The following OR5J2 variants were observed in gnomAD, a reference collection of about 807,000 sequenced individuals.
OR5J2 encodes olfactory receptor family 5 subfamily J member 2.
In OR5J2, 4 loss-of-function variants were observed where a neutral mutation model predicts 6.7. That is an observed-to-expected ratio of 0.60 (90% CI 0.29 to 1.37). The LOEUF (loss-of-function observed/expected upper bound fraction) is 1.37, where lower values mean the gene tolerates loss of function less well. OR5J2 is among the 40% of genes most tolerant of loss of function. OR5J2 has a pLI of 0.09. For synonymous variants in OR5J2, 174 were observed against 140.4 expected (o/e 1.24, Z -1.69); for missense variants, 415 against 366.4 (o/e 1.13, Z -1.08).
Position 56,176,807 on chromosome 11 carries a change from A to G in OR5J2, c.190A>G (p.Ser64Gly), listed in dbSNP as rs1184797454. The G allele has an allele frequency of 6.2e-7, 1 of 1,613,920 alleles. No individual in the cohort carries two copies. Among genetic ancestry groups the G allele is most frequent in the African/African-American group, 1.3e-5 (1 of 74,896 alleles). The change falls in exon 1 of 1, where the codon AGC becomes GGC. Residue 64 changes from serine (S) to glycine (G), a missense_variant. Transcript: ENST00000312298. Reference protein sequence around the residue: ...KLHTPMYFLLSCLSFVDACYS... With the variant: ...KLHTPMYFLLGCLSFVDACYS... ...CCACACACCCATGTACTTTTTACTC[A>G]GCTGTCTTTCATTTGTGGATGCCTG...
chr11:56,177,357 C>G lies in OR5J2; in HGVS notation c.740C>G (p.Ala247Gly). Reference protein sequence around the residue: ...AFSTCASHLTAVTIFYGTLIF... With the variant: ...AFSTCASHLTGVTIFYGTLIF... The stretch of plus-strand genomic sequence containing the variant: ...TCCACCTGTGCCTCTCACCTGACTG[C>G]TGTGACCATATTCTATGGTACCTTA... The change falls in exon 1 of 1, where the codon GCT becomes GGT. Residue 247 changes from alanine to glycine, a missense_variant. Ala to Gly is a moderately conservative substitution (Grantham distance 60). Coordinates refer to ENST00000312298, the MANE Select transcript of OR5J2 (RefSeq NM_001005492.1). 2 of 1,614,042 alleles carry G rather than the reference C, an allele frequency of 1.2e-6. No homozygotes were observed. Among genetic ancestry groups the G allele is most frequent in the Non-Finnish European group, 1.7e-6 (2 of 1,179,926 alleles).
In OR5J2 at chr11:56,177,280, T is replaced by G. The variant is rs751914437; in HGVS notation, c.663T>G (p.Ile221Met). The G allele has an allele frequency of 4.3e-6, 7 of 1,614,088 alleles. No homozygotes were observed. The highest frequency in any genetic ancestry group is 5.1e-6 in the Non-Finnish European group (6 of 1,180,000). The change falls in exon 1 of 1, where the codon ATT becomes ATG. Residue 221 changes from isoleucine to methionine, a missense_variant. By Grantham distance (10) the Ile-to-Met change is conservative. Transcript: ENST00000312298. ...CTGTGATCATTTCCTACATCTTCATTGCTTTTGCTAGCCTAAGGATCCACT... is the reference window on the plus strand; with the variant it reads ...CTGTGATCATTTCCTACATCTTCATGGCTTTTGCTAGCCTAAGGATCCACT... ...FLTVIISYIF[I>M]AFASLRIHSA...
In OR5J2 at chr11:56,176,860, G is replaced by T. The variant is rs759624513; in HGVS notation, c.243G>T (p.Met81Ile). Reference sequence around the variant, plus strand: ...ATTCATCTGCAATTGCACCCAAAATGCTGGTGAACCTCCTGGTTGTGAAGG... The same window carrying T: ...ATTCATCTGCAATTGCACCCAAAATTCTGGTGAACCTCCTGGTTGTGAAGG... Reference protein sequence around the residue: ...ACYSSAIAPKMLVNLLVVKAT... With the variant: ...ACYSSAIAPKILVNLLVVKAT... Residue 81 changes from methionine to isoleucine, a missense_variant, in exon 1 of 1, where the codon ATG becomes ATT. Transcript: ENST00000312298. 2 of 1,614,070 alleles carry T rather than the reference G, an allele frequency of 1.2e-6. No individual in the cohort carries two copies. The highest frequency in any genetic ancestry group is 1.6e-4 in the Middle Eastern group (1 of 6,062).
rs781507139 is a variant in OR5J2, at chr11:56,177,289, T to G, written c.672T>G (p.Ala224=). 6.2e-7 allele frequency: 1 copy of G among 1,613,996 alleles called. No individual in the cohort carries two copies. Among genetic ancestry groups the G allele is most frequent in the East Asian group, 2.2e-5 (1 of 44,886 alleles). The change falls in exon 1 of 1, where the codon GCT becomes GCG. Residue 224 remains alanine (A), a synonymous_variant. Coordinates refer to ENST00000312298, the MANE Select transcript of OR5J2 (RefSeq NM_001005492.1). ...TTTCCTACATCTTCATTGCTTTTGC[T>G]AGCCTAAGGATCCACTCAGCATCAG... is the stretch of plus-strand genomic sequence containing the variant. The part of the protein sequence containing the change: ...VIISYIFIAF[A]SLRIHSASGR...
chr11:56,176,644 C>T lies in OR5J2; in HGVS notation c.27C>T (p.Val9=), dbSNP rs1350963845. 6.2e-7 allele frequency: 1 copy of T among 1,607,826 alleles called. No individual in the cohort carries two copies. The highest frequency in any genetic ancestry group is 8.5e-7 in the Non-Finnish European group (1 of 1,176,010). MADDNFTV[V]TEFILLGLTD... is the part of the protein sequence containing the mutation. ...TGGCTGATGATAATTTTACAGTTGT[C>T]ACTGAGTTTATTCTTTTGGGATTGA... Residue 9 remains valine, a synonymous_variant, in exon 1 of 1, where the codon GTC becomes GTT. Coordinates refer to ENST00000312298, the MANE Select transcript of OR5J2 (RefSeq NM_001005492.1).
At position 56,177,086 on chromosome 11, in the gene OR5J2, T is replaced by G. The variant is rs773483070; in HGVS notation, c.469T>G (p.Leu157Val). The change falls in exon 1 of 1, where the codon TTA (leucine) becomes GTA (valine). Residue 157 changes from leucine to valine, a missense_variant. By Grantham distance (32) the Leu-to-Val change is conservative. Coordinates refer to ENST00000312298, the MANE Select transcript of OR5J2 (RefSeq NM_001005492.1). The part of the protein sequence containing the change: ...GSWIGGIVNT[L>V]IHTISLRRLS... ...ATGGATAGGTGGAATAGTTAACACATTAATCCACACAATCAGCTTGAGGAG... is the reference window on the plus strand; with the variant it reads ...ATGGATAGGTGGAATAGTTAACACAGTAATCCACACAATCAGCTTGAGGAG... The G allele has an allele frequency of 3.1e-6, 5 of 1,613,782 alleles. No homozygotes were observed. In the South Asian group the frequency reaches 5.5e-5, roughly 18 times the overall value.
Position 56,176,664 on chromosome 11 carries a change from G to A in OR5J2, c.47G>A (p.Gly16Glu), listed in dbSNP as rs150441914. ...GTTGTCACTGAGTTTATTCTTTTGG[G>A]ATTGACAGATCATGCTGAACTAAAA... ...FTVVTEFILL[G>E]LTDHAELKAV... The change falls in exon 1 of 1, where the codon GGA becomes GAA. Residue 16 changes from glycine (G) to glutamate (E), a missense_variant. By Grantham distance (98) the Gly-to-Glu change is moderately conservative (BLOSUM62 -2). Transcript: ENST00000312298. 49 of 1,613,544 alleles carry A rather than the reference G, an allele frequency of 3.0e-5. No individual in the cohort carries two copies. In the Middle Eastern group the frequency reaches 8.3e-4, roughly 27 times the overall value.
rs764464449 is a variant in OR5J2 at position 56,177,538 on chromosome 11, G to T, written c.921G>T (p.Met307Ile). The part of the protein sequence containing the change: ...VKEAVKRAIE[M>I]KHFLC ...AGGCAGTGAAAAGGGCCATAGAAAT[G>T]AAACATTTCCTCTGTTAATTTCAAG... Residue 307 changes from methionine to isoleucine, a missense_variant, in exon 1 of 1, where the codon ATG (methionine) becomes ATT (isoleucine). Physicochemically the swap from Met to Ile is conservative, Grantham distance 10. Coordinates refer to ENST00000312298, the MANE Select transcript of OR5J2 (RefSeq NM_001005492.1). The T allele has an allele frequency of 6.3e-7, 1 of 1,594,716 alleles. No individual in the cohort carries two copies. The highest frequency in any genetic ancestry group is 1.1e-5 in the South Asian group (1 of 90,686).
rs1852541307 is a variant in OR5J2 at position 56,176,804 on chromosome 11, C to T, written c.187C>T (p.Leu63Phe). The T allele has an allele frequency of 6.2e-7, 1 of 1,614,108 alleles. No individual in the cohort carries two copies. The highest frequency in any genetic ancestry group is 8.5e-7 in the Non-Finnish European group (1 of 1,179,990). Residue 63 changes from leucine to phenylalanine, a missense_variant, in exon 1 of 1, where the codon CTC becomes TTC. Leu to Phe is a conservative substitution (Grantham distance 22, BLOSUM62 0). Coordinates refer to ENST00000312298, the MANE Select transcript of OR5J2 (RefSeq NM_001005492.1). The stretch of plus-strand genomic sequence containing the variant: ...ACTCCACACACCCATGTACTTTTTA[C>T]TCAGCTGTCTTTCATTTGTGGATGC... ...SKLHTPMYFL[L>F]SCLSFVDACY...
rs151315491 is a variant in OR5J2 at position 56,176,982 on chromosome 11, G to A, written c.365G>A (p.Arg122His). The change falls in exon 1 of 1, where the codon CGC (arginine) becomes CAC (histidine). Residue 122 changes from arginine to histidine, a missense_variant. By Grantham distance (29) the Arg-to-His change is conservative. Transcript: ENST00000312298. Reference protein sequence around the residue: ...GFLLSVMAYDRYVAIVSPLLY... With the variant: ...GFLLSVMAYDHYVAIVSPLLY... ...TTACTGTCAGTGATGGCCTATGACC[G>A]CTATGTGGCCATTGTGAGTCCCTTG... 4.6e-5 allele frequency: 74 copies of A among 1,613,970 alleles called. No homozygotes were observed. The East Asian group carries it at 1.1e-3, about 24-fold the overall frequency.
chr11:56,176,843 G>T lies in OR5J2; in HGVS notation c.226G>T (p.Ala76Ser). The part of the protein sequence containing the change: ...LSFVDACYSS[A>S]IAPKMLVNLL... ...ATTTGTGGATGCCTGCTATTCATCT[G>T]CAATTGCACCCAAAATGCTGGTGAA... The change falls in exon 1 of 1, where the codon GCA becomes TCA. Residue 76 changes from alanine (A) to serine (S), a missense_variant. By Grantham distance (99) the Ala-to-Ser change is moderately conservative (BLOSUM62 1). Transcript: ENST00000312298. 1 of 1,613,918 alleles carries T rather than the reference G, an allele frequency of 6.2e-7. No individual in the cohort carries two copies. Among genetic ancestry groups the T allele is most frequent in the Non-Finnish European group, 8.5e-7 (1 of 1,179,872 alleles).
At position 56,177,442 on chromosome 11, in the gene OR5J2, T is replaced by C; in HGVS notation, c.825T>C (p.Ser275=). ...QYFVEQEKVV[S]MFYTLGIPML... ...TTGTGGAACAAGAGAAAGTGGTTTCTATGTTCTATACGCTAGGGATTCCCA... is the reference window on the plus strand; with the variant it reads ...TTGTGGAACAAGAGAAAGTGGTTTCCATGTTCTATACGCTAGGGATTCCCA... Residue 275 remains serine (S), a synonymous_variant, in exon 1 of 1, where the codon TCT becomes TCC. Coordinates refer to ENST00000312298, the MANE Select transcript of OR5J2 (RefSeq NM_001005492.1). 6.2e-7 allele frequency: 1 copy of C among 1,613,940 alleles called. No individual in the cohort carries two copies. The highest frequency in any genetic ancestry group is 1.1e-5 in the South Asian group (1 of 91,084).
In OR5J2 at chr11:56,176,989, G is replaced by A; in HGVS notation, c.372G>A (p.Val124=). Residue 124 remains valine (V), a synonymous_variant, in exon 1 of 1, where the codon GTG becomes GTA. Transcript: ENST00000312298. ...LLSVMAYDRY[V]AIVSPLLYTV... is the part of the protein sequence containing the mutation. ...CAGTGATGGCCTATGACCGCTATGT[G>A]GCCATTGTGAGTCCCTTGCTTTACA... 3 of 1,614,078 alleles carry A rather than the reference G, an allele frequency of 1.9e-6. No individual in the cohort carries two copies. The highest frequency in any genetic ancestry group is 2.5e-6 in the Non-Finnish European group (3 of 1,179,980).
Position 56,177,518 on chromosome 11 carries a change from G to C in OR5J2, c.901G>C (p.Val301Leu), listed in dbSNP as rs1191847493. ...GAGAAACAAGGACGTAAAGGAGGCA[G>C]TGAAAAGGGCCATAGAAATGAAACA... Reference protein sequence around the residue: ...SLRNKDVKEAVKRAIEMKHFL... With the variant: ...SLRNKDVKEALKRAIEMKHFL... The change falls in exon 1 of 1, where the codon GTG becomes CTG. Residue 301 changes from valine to leucine, a missense_variant. Val to Leu is a conservative substitution (Grantham distance 32, BLOSUM62 1). Coordinates refer to ENST00000312298, the MANE Select transcript of OR5J2 (RefSeq NM_001005492.1). 1 of 1,606,078 alleles carries C rather than the reference G, an allele frequency of 6.2e-7. No homozygotes were observed. The highest frequency in any genetic ancestry group is 1.3e-5 in the African/African-American group (1 of 74,890).
At position 56,177,479 on chromosome 11, in the gene OR5J2, T is replaced by C; in HGVS notation, c.862T>C (p.Leu288=). 1 of 1,613,114 alleles carries C rather than the reference T, an allele frequency of 6.2e-7. No homozygotes were observed. The highest frequency in any genetic ancestry group is 8.5e-7 in the Non-Finnish European group (1 of 1,179,878). ...YTLGIPMLNL[L]IHSLRNKDVK... ...GCTAGGGATTCCCATGTTAAACCTG[T>C]TGATACACAGTTTGAGAAACAAGGA... The change falls in exon 1 of 1, where the codon TTG becomes CTG. Residue 288 remains leucine (L), a synonymous_variant. Transcript: ENST00000312298.
rs145372004 is a variant in OR5J2, at chr11:56,176,912, G to A, written c.295G>A (p.Val99Ile). Residue 99 changes from valine to isoleucine, a missense_variant, in exon 1 of 1, where the codon GTA (valine) becomes ATA (isoleucine). Val to Ile is a conservative substitution (Grantham distance 29). Transcript: ENST00000312298. ...AACAATTTCTTTCTCTGCTTGCATG[G>A]TACAGCATTTGTGTTTCGGAGTGTT... is the stretch of plus-strand genomic sequence containing the variant. ...KATISFSACMVQHLCFGVFIT... is the reference protein window; with the variant it reads ...KATISFSACMIQHLCFGVFIT... 1 of 1,614,076 alleles carries A rather than the reference G, an allele frequency of 6.2e-7. No homozygotes were observed. The highest frequency in any genetic ancestry group is 2.2e-5 in the East Asian group (1 of 44,872).
rs762295505 is a variant in OR5J2 at position 56,176,676 on chromosome 11, A to T, written c.59A>T (p.His20Leu). 1.2e-6 allele frequency: 2 copies of T among 1,613,986 alleles called. No homozygotes were observed. The highest frequency in any genetic ancestry group is 2.2e-5 in the East Asian group (1 of 44,884). The change falls in exon 1 of 1, where the codon CAT (histidine) becomes CTT (leucine). Residue 20 changes from histidine (H) to leucine (L), a missense_variant. Physicochemically the swap from His to Leu is moderately conservative, Grantham distance 99. Transcript: ENST00000312298. ...TTTATTCTTTTGGGATTGACAGATC[A>T]TGCTGAACTAAAAGCTGTGCTTTTT... is the stretch of plus-strand genomic sequence containing the variant. ...TEFILLGLTD[H>L]AELKAVLFVV... is the part of the protein sequence containing the mutation.
chr11:56,176,793 TG>T lies in OR5J2; in HGVS notation c.177del (p.Met59IlefsTer25), dbSNP rs1565066274. The T allele has an allele frequency of 6.2e-7, 1 of 1,614,108 alleles. No individual in the cohort carries two copies. Among genetic ancestry groups the T allele is most frequent in the Admixed American group, 1.7e-5 (1 of 60,024 alleles). Reference sequence around the variant, plus strand: ...ATCACCTCCAAACTCCACACACCCATGTACTTTTTACTCAGCTGTCTTTCAT... The same window carrying T: ...ATCACCTCCAAACTCCACACACCCATTACTTTTTACTCAGCTGTCTTTCAT... ...IQITSKLHTP[M>X]YFLLSCLSFV... On this transcript the variant is annotated frameshift_variant, in exon 1 of 1. Transcript: ENST00000312298. LOFTEE classifies it low-confidence loss of function (END_TRUNC).
rs1314060078 is a variant in OR5J2, at chr11:56,177,042, T to C, written c.425T>C (p.Val142Ala). The change falls in exon 1 of 1, where the codon GTG (valine) becomes GCG (alanine). Residue 142 changes from valine to alanine, a missense_variant. Physicochemically the swap from Val to Ala is moderately conservative, Grantham distance 64. Transcript: ENST00000312298. Reference sequence around the variant, plus strand: ...GTAGCCATGTCTGATAGAAAGTGTGTGGAGCTTGTCACAGGATCATGGATA... The same window carrying C: ...GTAGCCATGTCTGATAGAAAGTGTGCGGAGCTTGTCACAGGATCATGGATA... ...YTVAMSDRKC[V>A]ELVTGSWIGG... 11 of 1,613,988 alleles carry C rather than the reference T, an allele frequency of 6.8e-6. No homozygotes were observed. The Admixed American group carries it at 1.8e-4, about 27-fold the overall frequency.
Sources: gnomAD v4.1 joint callset for allele counts on GRCh38, gnomAD v4.1.1 for gene constraint, MANE v1.5 for transcripts, NCBI Gene and HGNC (gene_info 2026-07-23, HGNC 2026-07-21) for gene names.